PRR12: variants seen among roughly 807,000 people sequenced by gnomAD.
PRR12 encodes the protein proline-rich protein 12.
Under a neutral mutation model 138.0 loss-of-function variants are expected in PRR12, and 12 were observed. That is an observed-to-expected ratio of 0.09 (90% CI 0.06 to 0.14). The LOEUF is 0.14. Among genes scored for constraint, PRR12 ranks in the 10% least tolerant of loss-of-function variants. The pLI is 1.00. For missense variants in PRR12, 2,692 were observed against 2,861.3 expected, an observed-to-expected ratio of 0.94 and a Z score of 1.35; for synonymous variants, 1,567 against 1,291.7, an observed-to-expected ratio of 1.21 and a Z score of -4.57.
chr19:49,625,821 C>G lies in PRR12; in HGVS notation c.*214C>G, dbSNP rs956376550. ...CTCCCTCCCCATTCCTCCCACTGTT[C>G]GGTGTACAGAGAAATTATTTATATA... is the stretch of plus-strand genomic sequence containing the variant. On this transcript the variant is annotated 3_prime_UTR_variant, in exon 14 of 14. Coordinates refer to ENST00000418929, the MANE Select transcript of PRR12 (RefSeq NM_020719.3). This position sits in a 1 kb window ranked among gnomAD's most constrained non-coding sequence, Gnocchi z 5.5. 21 of 499,316 alleles carry G rather than the reference C, an allele frequency of 4.2e-5. No individual in the cohort carries two copies. Among genetic ancestry groups the G allele is most frequent in the Admixed American group, 2.3e-4 (6 of 26,546 alleles). The allele number at this position is 499,316 out of a possible 1,614,324, so 30.9% of individuals were successfully genotyped here.
In PRR12 at chr19:49,624,857, C is replaced by T. The variant is rs1460815245; in HGVS notation, c.5735C>T (p.Thr1912Met). The T allele has an allele frequency of 7.4e-6, 12 of 1,611,464 alleles. No individual in the cohort carries two copies. Among genetic ancestry groups the T allele is most frequent in the Non-Finnish European group, 9.3e-6 (11 of 1,179,200 alleles). ...GGCTTCCCGCAGGATGCTCTGCACA[C>T]GTTCCCACAGCTGCAAGTGGAGCAG... The part of the protein sequence containing the change: ...LSPALQDALH[T>M]FPQLQVEQSG... Residue 1912 changes from threonine (T) to methionine (M), a missense_variant, in exon 12 of 14, where the codon ACG becomes ATG. Physicochemically the swap from Thr to Met is moderately conservative, Grantham distance 81. Coordinates refer to ENST00000418929, the MANE Select transcript of PRR12 (RefSeq NM_020719.3).
rs1179125641 is a variant in PRR12, at chr19:49,595,018, G to T, written c.683G>T (p.Arg228Leu). The T allele has an allele frequency of 6.3e-7, 1 of 1,577,250 alleles. No homozygotes were observed. The highest frequency in any genetic ancestry group is 8.6e-7 in the Non-Finnish European group (1 of 1,165,214). ...GLGPAQTPPY[R>L]PGPPDPPPPP... is the part of the protein sequence containing the mutation. Reference sequence around the variant, plus strand: ...GGTCCAGCCCAGACCCCCCCTTACCGCCCTGGCCCCCCAGACCCACCACCA... The same window carrying T: ...GGTCCAGCCCAGACCCCCCCTTACCTCCCTGGCCCCCCAGACCCACCACCA... Residue 228 changes from arginine to leucine, a missense_variant, in exon 4 of 14, where the codon CGC becomes CTC. By Grantham distance (102) the Arg-to-Leu change is moderately radical (BLOSUM62 -2). This residue lies in a region of PRR12 where 523 missense variants were observed against 496.4 expected (regional missense o/e 1.05). Transcript: ENST00000418929.
chr19:49,597,089 G>A lies in PRR12; in HGVS notation c.2754G>A (p.Pro918=), dbSNP rs2080776823. Residue 918 remains proline, a synonymous_variant, in exon 4 of 14, where the codon CCG becomes CCA. Transcript: ENST00000418929. The surrounding 1 kb of genome is among the most constrained non-coding windows in gnomAD (Gnocchi z 6.3). The part of the protein sequence containing the change: ...DPAGAYRSPS[P]QGTKAPRFVP... ...CAGGCGCCTACCGCAGCCCCAGCCC[G>A]CAAGGCACCAAGGCGCCGCGTTTCG... The A allele has an allele frequency of 1.9e-6, 3 of 1,551,920 alleles. No homozygotes were observed. Among genetic ancestry groups the A allele is most frequent in the South Asian group, 1.2e-5 (1 of 84,198 alleles).
Position 49,601,487 on chromosome 19 carries a change from C to G in PRR12, c.4346-4C>G. The G allele has an allele frequency of 6.1e-6, 9 of 1,476,264 alleles. No homozygotes were observed. Among genetic ancestry groups the G allele is most frequent in the Non-Finnish European group, 8.3e-6 (9 of 1,088,380 alleles). The allele number at this position is 1,476,264 out of a possible 1,614,324, so 91.4% of individuals were successfully genotyped here. A position where few individuals can be genotyped will look rare whatever the true frequency, so the allele number is the denominator to read the frequency against. On this transcript the variant is annotated splice_region_variant and splice_polypyrimidine_tract_variant and intron_variant, in intron 5 of 13. Transcript: ENST00000418929. ...TCCAGGCCTGATGTCCCTGTCTCCC[C>G]CAGAGCCCCCGCTGCTGGAGGAGAA...
At position 49,596,725 on chromosome 19, in the gene PRR12, C is replaced by T. The variant is rs1408685122; in HGVS notation, c.2390C>T (p.Pro797Leu). 6.2e-7 allele frequency: 1 copy of T among 1,605,514 alleles called. No homozygotes were observed. The highest frequency in any genetic ancestry group is 2.2e-5 in the East Asian group (1 of 44,838). The change falls in exon 4 of 14, where the codon CCT becomes CTT. Residue 797 changes from proline (P) to leucine (L), a missense_variant. Pro to Leu is a moderately conservative substitution (Grantham distance 98, BLOSUM62 -3). Around this residue, in one of 11 missense-constraint regions of PRR12, gnomAD observed 840 missense variants for 689.8 expected, o/e 1.22. Coordinates refer to ENST00000418929, the MANE Select transcript of PRR12 (RefSeq NM_020719.3). The surrounding 1 kb of genome is among the most constrained non-coding windows in gnomAD (Gnocchi z 5.6). ...GACCTCCCACTGGTGCTGCCTCCGC[C>T]TCCCCCCCAGCTGCTCCCCTCGGTC... ...GPDLPLVLPPPPPQLLPSVLS... is the reference protein window; with the variant it reads ...GPDLPLVLPPLPPQLLPSVLS...
At chr19:49,624,115 G>C (rs12984182) in intron 11 of PRR12, among the ~76,000 whole-genome samples, 8 of 151,154 alleles carry the variant, frequency 5.3e-5, no homozygotes, top group Admixed American at 5.3e-4. Flanking sequence ...ATGGGACCGA[G>C]AATTCTGGGG....
rs775651149 is a variant in PRR12 at position 49,596,359 on chromosome 19, G to A, written c.2024G>A (p.Gly675Glu). ...DGAADASKGL[G>E]GSGGAGGPPG... ...GCAGCAGATGCCTCTAAGGGACTTG[G>A]GGGGAGTGGCGGGGCCGGGGGACCA... The change falls in exon 4 of 14, where the codon GGG becomes GAG. Residue 675 changes from glycine (G) to glutamate (E), a missense_variant. Gly to Glu is a moderately conservative substitution (Grantham distance 98). Coordinates refer to ENST00000418929, the MANE Select transcript of PRR12 (RefSeq NM_020719.3). This position sits in a 1 kb window ranked among gnomAD's most constrained non-coding sequence, Gnocchi z 5.6. The A allele has an allele frequency of 1.9e-6, 3 of 1,609,376 alleles. No homozygotes were observed. The highest frequency in any genetic ancestry group is 2.5e-6 in the Non-Finnish European group (3 of 1,179,464).
Position 49,597,389 on chromosome 19 carries a change from G to C in PRR12, c.3054G>C (p.Leu1018=). 1 of 1,537,666 alleles carries C rather than the reference G, an allele frequency of 6.5e-7. No individual in the cohort carries two copies. Among genetic ancestry groups the C allele is most frequent in the Non-Finnish European group, 8.7e-7 (1 of 1,146,534 alleles). The part of the protein sequence containing the change: ...LGLDPNKPPE[L]PSTVNAEPLG... ...TGGACCCCAACAAACCGCCTGAACT[G>C]CCCTCCACGGTCAACGCCGAGCCGC... The change falls in exon 4 of 14, where the codon CTG becomes CTC. Residue 1018 remains leucine (L), a synonymous_variant. Transcript: ENST00000418929. This position sits in a 1 kb window ranked among gnomAD's most constrained non-coding sequence, Gnocchi z 6.3.
At chr19:49,623,202 C>T (rs958546373) in intron 11 of PRR12, among the ~76,000 whole-genome samples, 2 of 151,918 alleles carry the variant, frequency 1.3e-5, no homozygotes, top group African/African-American at 2.4e-5. Context: ...ATCTAGTCTA[C>T]AAATTCTGAG....
chr19:49,617,611 A>G (rs1295335470), intron 9 of PRR12, among the ~76,000 whole-genome samples: 2 of 152,204 alleles, frequency 1.3e-5, no homozygotes, highest in Non-Finnish European at 2.9e-5. Context: ...AGCCAGGGTG[A>G]CAGAATTAGA....
intron 10 of PRR12, 112 bp from the exon 11 acceptor site, chr19:49,621,413 C>A (rs1035969052): frequency 1.2e-6 from 1 of 841,258 alleles, no homozygotes; most frequent in African/African-American, 1.7e-5. Context: ...GGGGCCTGTA[C>A]TTTTGTCTCT....
chr19:49,596,039 C>T lies in PRR12; in HGVS notation c.1704C>T (p.Leu568=). The T allele has an allele frequency of 1.9e-6, 3 of 1,601,518 alleles. No homozygotes were observed. Among genetic ancestry groups the T allele is most frequent in the Non-Finnish European group, 2.5e-6 (3 of 1,179,726 alleles). ...EASPSHIIRP[L]QSPPATGRPP... Reference sequence around the variant, plus strand: ...GCCCATCTCACATCATTCGTCCGCTCCAGTCACCGCCTGCCACCGGCCGTC... The same window carrying T: ...GCCCATCTCACATCATTCGTCCGCTTCAGTCACCGCCTGCCACCGGCCGTC... Residue 568 remains leucine (L), a synonymous_variant, in exon 4 of 14, where the codon CTC becomes CTT. Transcript: ENST00000418929. This position sits in a 1 kb window ranked among gnomAD's most constrained non-coding sequence, Gnocchi z 5.6.
Position 49,597,179 on chromosome 19 carries a change from C to A in PRR12, c.2844C>A (p.Pro948=). 1.3e-6 allele frequency: 2 copies of A among 1,554,244 alleles called. No homozygotes were observed. The highest frequency in any genetic ancestry group is 1.7e-6 in the Non-Finnish European group (2 of 1,148,964). Residue 948 remains proline (P), a synonymous_variant, in exon 4 of 14, where the codon CCC becomes CCA. Transcript: ENST00000418929. The surrounding 1 kb of genome is among the most constrained non-coding windows in gnomAD (Gnocchi z 6.3). ...AAGACGAGGAGCGCAGCTTCTTCCC[C>A]ACCATGGAGGAGATGTTCGGTGGAG... ...LLQDEERSFF[P]TMEEMFGGGA...
chr19:49,605,581 C>G (rs1379608817), intron 6 of PRR12, among the ~76,000 whole-genome samples: 1 of 152,232 alleles, frequency 6.6e-6, no homozygotes, highest in Non-Finnish European at 1.5e-5. Flanking sequence ...TATTCTTATC[C>G]CCGACTCAGC....
chr19:49,591,624 C>G lies in PRR12; in HGVS notation c.-31C>G. The G allele has an allele frequency of 1.1e-6, 1 of 882,370 alleles. No individual in the cohort carries two copies. The highest frequency in any genetic ancestry group is 1.7e-6 in the Non-Finnish European group (1 of 604,566). The allele number at this position is 882,370 out of a possible 1,614,324, so 54.7% of individuals were successfully genotyped here. A position where few individuals can be genotyped will look rare whatever the true frequency, so the allele number is the denominator to read the frequency against. ...GCCCCCTCCCTCCCTCCCTCCCTCCCCCTCCCCCCAATTTCCACCGCGGCC... is the reference window on the plus strand; with the variant it reads ...GCCCCCTCCCTCCCTCCCTCCCTCCGCCTCCCCCCAATTTCCACCGCGGCC... On this transcript the variant is annotated 5_prime_UTR_variant, in exon 1 of 14. Transcript: ENST00000418929.
Position 49,597,807 on chromosome 19 carries a change from A to C in PRR12, c.3472A>C (p.Lys1158Gln), listed in dbSNP as rs1357467244. 1 of 1,548,664 alleles carries C rather than the reference A, an allele frequency of 6.5e-7. No homozygotes were observed. The highest frequency in any genetic ancestry group is 2.3e-5 in the East Asian group (1 of 43,014). The change falls in exon 4 of 14, where the codon AAG becomes CAG. Residue 1158 changes from lysine (K) to glutamine (Q), a missense_variant. Coordinates refer to ENST00000418929, the MANE Select transcript of PRR12 (RefSeq NM_020719.3). This position sits in a 1 kb window ranked among gnomAD's most constrained non-coding sequence, Gnocchi z 6.3. ...GPDGPRRRGR[K>Q]PTKAKRDGPP... ...CGATGGCCCCCGGCGCCGTGGCCGC[A>C]AGCCCACGAAGGCGAAACGTGATGG...
intron 5 of PRR12, among the ~76,000 whole-genome samples, chr19:49,600,784 C>G (rs1273687443): frequency 6.6e-6 from 1 of 152,020 alleles, no homozygotes; most frequent in African/African-American, 2.4e-5. Context: ...TCACTGCAAC[C>G]TCTGCCTTCC....
rs755842743 is a variant in PRR12, at chr19:49,593,389, A to G, written c.149A>G (p.Tyr50Cys). 1.2e-6 allele frequency: 2 copies of G among 1,605,604 alleles called. No homozygotes were observed. The highest frequency in any genetic ancestry group is 8.5e-7 in the Non-Finnish European group (1 of 1,176,690). ...PETDILHRQA[Y>C]AAPHPLQSYA... ...ACGGACATCTTACACCGCCAGGCCT[A>G]TGCGGCCCCCCACCCACTGCAAAGC... is the stretch of plus-strand genomic sequence containing the variant. The change falls in exon 2 of 14, where the codon TAT (tyrosine) becomes TGT (cysteine). Residue 50 changes from tyrosine to cysteine, a missense_variant. Tyr to Cys is a radical substitution (Grantham distance 194). This residue lies in a region of PRR12 where 211 missense variants were observed against 266.3 expected (regional missense o/e 0.79). Coordinates refer to ENST00000418929, the MANE Select transcript of PRR12 (RefSeq NM_020719.3).
chr19:49,597,945 G>C lies in PRR12; in HGVS notation c.3610G>C (p.Gly1204Arg). 2.1e-6 allele frequency: 3 copies of C among 1,402,874 alleles called. No homozygotes were observed. The highest frequency in any genetic ancestry group is 2.8e-6 in the Non-Finnish European group (3 of 1,082,090). The allele number at this position is 1,402,874 out of a possible 1,614,324, so 86.9% of individuals were successfully genotyped here. The change falls in exon 4 of 14, where the codon GGC (glycine) becomes CGC (arginine). Residue 1204 changes from glycine to arginine, a missense_variant. Physicochemically the swap from Gly to Arg is moderately radical, Grantham distance 125. Transcript: ENST00000418929. The surrounding 1 kb of genome is among the most constrained non-coding windows in gnomAD (Gnocchi z 6.3). ...TDGAKKPRGR[G>R]RGRGRKAEEA... ...TGGCGCCAAGAAACCCCGGGGCCGG[G>C]GCCGAGGCCGGGGTCGAAAGGCTGA... is the stretch of plus-strand genomic sequence containing the variant.
Sources: allele counts gnomAD v4.1 joint callset (sites outside exome capture counted in the v4.1 genomes callset), GRCh38; gene constraint gnomAD v4.1.1; regional missense constraint gnomAD v4.1.1; non-coding constraint Gnocchi (gnomAD v3.1); transcripts MANE v1.5; gene names NCBI Gene and HGNC (gene_info 2026-07-23, HGNC 2026-07-21).